Variants in SLC15A1 observed in about 807,000 individuals in gnomAD.
The protein encoded by SLC15A1 is solute carrier family 15 member 1.
In SLC15A1, 83 loss-of-function variants were observed where a neutral mutation model predicts 92.9. The observed-to-expected ratio is 0.89, with a 90% CI of 0.75 to 1.07. SLC15A1 has a LOEUF of 1.07. Ranked by LOEUF, SLC15A1 falls within the 50% of genes least tolerant of loss-of-function variation. The pLI is 0.00. For synonymous variants in SLC15A1, 322 were observed against 318.2 expected (o/e 1.01, Z -0.13); for missense variants, 857 against 880.1 (o/e 0.97, Z 0.33).
chr13:98,687,626 G>T lies in SLC15A1; in HGVS notation c.1782C>A (p.Gly594=). The T allele has an allele frequency of 6.2e-7, 1 of 1,614,098 alleles. No homozygotes were observed. ...QIPQYFLLTC[G]EVVFSVTGLE... ...ATCCCGTGACAGAGAAGACCACTTC[G>T]CCACAGGTGAGAAGAAAATACTGCG... Residue 594 remains glycine (G), a synonymous_variant, in exon 21 of 23, where the codon GGC becomes GGA. Transcript: ENST00000376503.
chr13:98,688,437 C>T, intron 19 of SLC15A1, 33 bp downstream of exon 19: 1 of 1,606,800 alleles, frequency 6.2e-7, no homozygotes, highest in East Asian at 2.2e-5. Context: ...AATTCTTGAA[C>T]CTTTGAGTGA....
At chr13:98,732,351 C>T (rs981416469) in intron 1 of SLC15A1, among the ~76,000 whole-genome samples, 2 of 152,128 alleles carry the variant, frequency 1.3e-5, no homozygotes, top group African/African-American at 4.8e-5. Context: ...ACTGAATAAA[C>T]ACAGGCTCTT....
At chr13:98,728,066 G>A (rs1422728519) in intron 1 of SLC15A1, among the ~76,000 whole-genome samples, 2 of 152,332 alleles carry the variant, frequency 1.3e-5, no homozygotes, top group South Asian at 2.1e-4. Flanking sequence ...TGCTGCCACT[G>A]GTCCAGGCAG....
At chr13:98,735,533 G>T (rs188957509) in intron 1 of SLC15A1, among the ~76,000 whole-genome samples, 16 of 152,288 alleles carry the variant, frequency 1.1e-4, no homozygotes, top group East Asian at 5.8e-4. Flanking sequence ...ATTAGGAAAA[G>T]AATTGAATAG....
chr13:98,688,372 A>G lies in SLC15A1; in HGVS notation c.1575-16T>C. On this transcript the variant is annotated splice_polypyrimidine_tract_variant and intron_variant, in intron 19 of 22. Coordinates refer to ENST00000376503, the MANE Select transcript of SLC15A1 (RefSeq NM_005073.4). Reference sequence around the variant, plus strand: ...GAAGCCTTTTCTATCAAAATAAAGAATAATATTGGTTAACATTCTTGGCAT... The same window carrying G: ...GAAGCCTTTTCTATCAAAATAAAGAGTAATATTGGTTAACATTCTTGGCAT... 1 of 1,609,096 alleles carries G rather than the reference A, an allele frequency of 6.2e-7. No individual in the cohort carries two copies. Among genetic ancestry groups the G allele is most frequent in the Non-Finnish European group, 8.5e-7 (1 of 1,176,272 alleles).
chr13:98,727,667 G>A (rs954966480), intron 1 of SLC15A1, among the ~76,000 whole-genome samples: 6 of 152,078 alleles, frequency 3.9e-5, no homozygotes, highest in East Asian at 1.9e-4. Context: ...CTGTCTCCCC[G>A]GAATTTTGGC....
At chr13:98,721,977 C>T (rs1430011835) in intron 5 of SLC15A1, 74 bp from the exon 6 acceptor site, 62 of 1,223,174 alleles carry the variant, frequency 5.1e-5, no homozygotes, top group Non-Finnish European at 7.0e-5. Flanking sequence ...CCCCAGTTTC[C>T]CTCAGTGGGC....
At chr13:98,749,314 G>T (rs867108098) in intron 1 of SLC15A1, among the ~76,000 whole-genome samples, 1 of 152,242 alleles carries the variant, frequency 6.6e-6, no homozygotes, top group African/African-American at 2.4e-5. Context: ...AGGAGGCTGA[G>T]ATCTGGTGGG....
chr13:98,699,641 G>A (rs2088051771), intron 18 of SLC15A1, among the ~76,000 whole-genome samples: 1 of 152,118 alleles, frequency 6.6e-6, no homozygotes, highest in Non-Finnish European at 1.5e-5. Context: ...TCTAGGAGTG[G>A]GATGGCTGGG....
intron 1 of SLC15A1, among the ~76,000 whole-genome samples, chr13:98,730,392 C>T (rs1566456251): frequency 6.6e-6 from 1 of 152,136 alleles, no homozygotes; most frequent in Non-Finnish European, 1.5e-5. Flanking sequence ...CTCTTCCTGC[C>T]TATTAGAGTT....
intron 1 of SLC15A1, among the ~76,000 whole-genome samples, chr13:98,744,577 C>T (rs1283006275): frequency 1.3e-5 from 2 of 151,258 alleles, no homozygotes; most frequent in East Asian, 2.0e-4. Context: ...AGCAAAACCC[C>T]CTCTCTACAC....
chr13:98,711,751 G>A, intron 11 of SLC15A1, 103 bp downstream of exon 11: 1 of 745,782 alleles, frequency 1.3e-6, no homozygotes, highest in Non-Finnish European at 2.3e-6. Flanking sequence ...AGAAACTGGA[G>A]GAGAACTTTT....
Position 98,726,844 on chromosome 13 carries a change from T to C in SLC15A1, c.20A>G (p.His7Arg). The C allele has an allele frequency of 6.2e-7, 1 of 1,613,360 alleles. No homozygotes were observed. The highest frequency in any genetic ancestry group is 2.2e-5 in the East Asian group (1 of 44,884). Residue 7 changes from histidine to arginine, a missense_variant and splice_region_variant, in exon 2 of 23, where the codon CAC (histidine) becomes CGC (arginine). Physicochemically the swap from His to Arg is conservative, Grantham distance 29. Coordinates refer to ENST00000376503, the MANE Select transcript of SLC15A1 (RefSeq NM_005073.4). ...TAGAGAAGGAAAAAGGGTACTCACGTGTGATTTGGACATTCCTAAAAGAAA... is the reference window on the plus strand; with the variant it reads ...TAGAGAAGGAAAAAGGGTACTCACGCGTGATTTGGACATTCCTAAAAGAAA... Reference protein sequence around the residue: MGMSKSHSFFGYPLSIF... With the variant: MGMSKSRSFFGYPLSIF...
At chr13:98,696,950 A>G (rs1270820687) in intron 18 of SLC15A1, among the ~76,000 whole-genome samples, 1 of 152,180 alleles carries the variant, frequency 6.6e-6, no homozygotes, top group East Asian at 1.9e-4. Flanking sequence ...CCTAGAGGGA[A>G]GGTGGCATTT....
intron 2 of SLC15A1, 67 bp from the exon 3 acceptor site, chr13:98,726,516 A>G (rs1266321778): frequency 6.9e-7 from 1 of 1,447,840 alleles, no homozygotes; most frequent in Non-Finnish European, 9.6e-7. Context: ...ACAAAGGAGC[A>G]CCAGTGGCAT....
chr13:98,690,346 A>G (rs531881882), intron 18 of SLC15A1, among the ~76,000 whole-genome samples: 1 of 151,992 alleles, frequency 6.6e-6, no homozygotes, highest in East Asian at 1.9e-4. Flanking sequence ...GCTGATTAAT[A>G]TGGAAAATGG....
intron 1 of SLC15A1, among the ~76,000 whole-genome samples, chr13:98,747,102 G>A (rs979720947): frequency 2.0e-5 from 3 of 152,034 alleles, no homozygotes; most frequent in Admixed American, 6.6e-5. Flanking sequence ...AGTGTCCTCC[G>A]CAATAGACTT....
Position 98,726,680 on chromosome 13 carries a change from C to T in SLC15A1, c.21+163G>A, listed in dbSNP as rs563798951. On this transcript the variant is annotated intron_variant, in intron 2 of 22. Transcript: ENST00000376503. Reference sequence around the variant, plus strand: ...GTATTGTTAGTCTGAGGAGGATTATCCACAGCATTTCCTCAGGAGAGGACA... The same window carrying T: ...GTATTGTTAGTCTGAGGAGGATTATTCACAGCATTTCCTCAGGAGAGGACA... 4 of 782,524 alleles carry T rather than the reference C, an allele frequency of 5.1e-6. No individual in the cohort carries two copies. In the East Asian group the frequency reaches 1.0e-4, roughly 20 times the overall value. 48.5% of individuals were successfully genotyped at this position (782,524 alleles called of 1,614,324 possible).
intron 4 of SLC15A1, among the ~76,000 whole-genome samples, chr13:98,724,291 C>T (rs2088281993): frequency 6.6e-6 from 1 of 152,096 alleles, no homozygotes; most frequent in Non-Finnish European, 1.5e-5. Flanking sequence ...ACTGCTTGAG[C>T]TCAGGAGTTC....
Sources: gnomAD v4.1 joint callset for allele counts (sites outside exome capture counted in the v4.1 genomes callset) on GRCh38, gnomAD v4.1.1 for gene constraint, MANE v1.5 for transcripts, NCBI Gene and HGNC (gene_info 2026-07-23, HGNC 2026-07-21) for gene names.